TXLNB: variants seen among roughly 807,000 people sequenced by gnomAD.
The protein encoded by TXLNB is beta-taxilin.
TXLNB carries 37 observed loss-of-function variants against 57.4 expected under a neutral mutation model. The ratio of observed to expected loss-of-function variants is 0.64; its 90% CI spans 0.50 to 0.85. The LOEUF (loss-of-function observed/expected upper bound fraction) is 0.85. Among genes scored for constraint, TXLNB ranks in the 40% least tolerant of loss-of-function variants. The probability of loss-of-function intolerance (pLI) is 0.00; values close to 1 mark genes in which losing one functional copy is unlikely to be tolerated. For synonymous variants in TXLNB, 302 were observed against 309.6 expected, an observed-to-expected ratio of 0.98 and a Z score of 0.26; for missense variants, 848 against 825.6, an observed-to-expected ratio of 1.03 and a Z score of -0.33.
the TXLNB span, chr6:139,166,458 G>A: frequency 6.2e-7 from 1 of 1,614,202 alleles, no homozygotes; most frequent in Non-Finnish European, 8.5e-7. Flanking sequence ...AACTGCATCG[G>A]CCGCGCGCGC....
chr6:139,235,170 C>A (rs1171073146), downstream of TXLNB, among the ~76,000 whole-genome samples: 1 of 152,118 alleles, frequency 6.6e-6, no homozygotes, highest in East Asian at 1.9e-4. Context: ...TTTTCACACC[C>A]AAATGTTGCA....
the TXLNB span, among the ~76,000 whole-genome samples, chr6:139,201,404 G>A: frequency 6.6e-6 from 1 of 152,164 alleles, no homozygotes; most frequent in African/African-American, 2.4e-5. Context: ...ATAGGCCAGT[G>A]TTAGCTGGCA....
the TXLNB span, among the ~76,000 whole-genome samples, chr6:139,229,418 G>A: frequency 6.6e-6 from 1 of 152,118 alleles, no homozygotes; most frequent in Non-Finnish European, 1.5e-5. Context: ...CACCTCCCGG[G>A]TTCAAGTGAT....
chr6:139,219,590 GAGACGTCAGGA>G, the TXLNB span, among the ~76,000 whole-genome samples: 1 of 152,350 alleles, frequency 6.6e-6, no homozygotes, highest in East Asian at 1.9e-4. Flanking sequence ...CATGAGACTG[GAGACGTCAGGA>G]AGCGAAGCCA....
the TXLNB span, among the ~76,000 whole-genome samples, chr6:139,169,356 T>C: frequency 6.6e-6 from 1 of 152,088 alleles, no homozygotes; most frequent in Non-Finnish European, 1.5e-5. Flanking sequence ...CTTTTTATTT[T>C]GGTGTTTTTA....
At chr6:139,253,624 C>T (rs924742763) in intron 7 of TXLNB, among the ~76,000 whole-genome samples, 2 of 152,032 alleles carry the variant, frequency 1.3e-5, no homozygotes. Flanking sequence ...GGAACAATAG[C>T]AAATCTAGAA....
the TXLNB span, among the ~76,000 whole-genome samples, chr6:139,186,113 G>T: frequency 6.6e-6 from 1 of 152,134 alleles, no homozygotes; most frequent in African/African-American, 2.4e-5. Context: ...AACAAATGGA[G>T]TTGGAACAAT....
chr6:139,197,127 T>C, the TXLNB span, among the ~76,000 whole-genome samples: 1 of 152,190 alleles, frequency 6.6e-6, no homozygotes, highest in African/African-American at 2.4e-5. Context: ...ACTGTTCTAC[T>C]CTCCCTTCAG....
the TXLNB span, among the ~76,000 whole-genome samples, chr6:139,212,310 T>G: frequency 6.6e-6 from 1 of 151,786 alleles, no homozygotes; most frequent in Non-Finnish European, 1.5e-5. Context: ...CAGAAGAGAG[T>G]GGGGGCCAAT....
chr6:139,194,341 T>C, the TXLNB span, among the ~76,000 whole-genome samples: 41 of 152,304 alleles, frequency 2.7e-4, 1 homozygote, highest in Admixed American at 1.2e-3. Flanking sequence ...GTGAATGATT[T>C]TGAATAACAA....
the TXLNB span, among the ~76,000 whole-genome samples, chr6:139,232,761 T>C: frequency 6.6e-6 from 1 of 152,258 alleles, no homozygotes; most frequent in Non-Finnish European, 1.5e-5. Context: ...TGCTATGATT[T>C]ATGGTATTAT....
At chr6:139,231,063 C>T in the TXLNB span, among the ~76,000 whole-genome samples, 1 of 152,152 alleles carries the variant, frequency 6.6e-6, no homozygotes, top group Non-Finnish European at 1.5e-5. Context: ...ACTGCACATA[C>T]CGGCACGTTT....
the TXLNB span, among the ~76,000 whole-genome samples, chr6:139,304,183 G>A: frequency 6.6e-6 from 1 of 152,148 alleles, no homozygotes; most frequent in South Asian, 2.1e-4. Flanking sequence ...AGTTGTTACT[G>A]CTGAGCTTTG....
chr6:139,220,175 T>C, the TXLNB span, among the ~76,000 whole-genome samples: 1 of 152,158 alleles, frequency 6.6e-6, no homozygotes, highest in Admixed American at 6.5e-5. Flanking sequence ...CCATGTGAAG[T>C]CACCATGAGA....
chr6:139,216,716 C>T, the TXLNB span, among the ~76,000 whole-genome samples: 1 of 152,134 alleles, frequency 6.6e-6, no homozygotes, highest in Non-Finnish European at 1.5e-5. Context: ...GCCTTTGCAG[C>T]AACTTGGATG....
In TXLNB at chr6:139,255,569, C is replaced by A. The variant is rs1366473828; in HGVS notation, c.1072G>T (p.Ala358Ser). The change falls in exon 7 of 10, where the codon GCT becomes TCT. Residue 358 changes from alanine (A) to serine (S), a missense_variant. By Grantham distance (99) the Ala-to-Ser change is moderately conservative (BLOSUM62 1). Transcript: ENST00000358430. ...VLKEQETVLQ[A>S]QLTLYSGRFE... ...CCTCGTCCACCTGGCCTCACCTGAG[C>A]CTGCAGGACTGTCTCTTGCTCCTTC... The A allele has an allele frequency of 6.2e-7, 1 of 1,613,846 alleles. No individual in the cohort carries two copies. Among genetic ancestry groups the A allele is most frequent in the Non-Finnish European group, 8.5e-7 (1 of 1,179,832 alleles).
rs1554227078 is a variant in TXLNB, at chr6:139,280,677, T to TA, written c.425-3757_425-3756insT. Among the ~76,000 whole-genome samples, 24 of 73,784 alleles carry TA rather than the reference T, an allele frequency of 3.3e-4. No homozygotes were observed. The South Asian group carries it at 0.01, about 31-fold the overall frequency. 48.4% of individuals were successfully genotyped at this position (73,784 alleles called of 152,430 possible). A position where few individuals can be genotyped will look rare whatever the true frequency, so the allele number is the denominator to read the frequency against. On this transcript the variant is annotated intron_variant, in intron 2 of 9. Transcript: ENST00000358430. ...AAAGTATGCCTTTTCTCTTCCAAAA[T>TA]TTTTTTTTTAGAACTTTGGGGTTAA...
the TXLNB span, among the ~76,000 whole-genome samples, chr6:139,297,600 T>G: frequency 6.6e-6 from 1 of 152,216 alleles, no homozygotes; most frequent in African/African-American, 2.4e-5. Context: ...AGATCTGTCT[T>G]TTACTTGGGC....
chr6:139,232,039 C>T, the TXLNB span, among the ~76,000 whole-genome samples: 56 of 152,280 alleles, frequency 3.7e-4, no homozygotes, highest in African/African-American at 1.2e-3. Flanking sequence ...TGTGGTATCA[C>T]ACTGTGTATT....
Sources: allele counts gnomAD v4.1 joint callset (sites outside exome capture counted in the v4.1 genomes callset), GRCh38; gene constraint gnomAD v4.1.1; transcripts MANE v1.5; gene names NCBI Gene and HGNC (gene_info 2026-07-23, HGNC 2026-07-21).